The following KCNT2 variants were observed in gnomAD, a reference collection of about 807,000 sequenced individuals.
KCNT2 encodes the protein potassium sodium-activated channel subfamily T member 2.
Under a neutral mutation model 153.8 loss-of-function variants are expected in KCNT2, and 67 were observed. The ratio of observed to expected loss-of-function variants is 0.44; its 90% CI spans 0.36 to 0.53. The LOEUF (loss-of-function observed/expected upper bound fraction) is 0.53. Among genes scored for constraint, KCNT2 ranks in the 20% least tolerant of loss-of-function variants. The pLI is 0.00. For missense variants in KCNT2, 975 were observed against 1,354.8 expected (o/e 0.72, Z 4.40); for synonymous variants, 500 against 458.8 (o/e 1.09, Z -1.15).
intron 8 of KCNT2, among the ~76,000 whole-genome samples, chr1:196,433,059 G>A (rs180773649): frequency 6.6e-6 from 1 of 151,632 alleles, no homozygotes; most frequent in African/African-American, 2.4e-5. Context: ...ATAAAATTGT[G>A]GGTGAGAACC....
intron 1 of KCNT2, among the ~76,000 whole-genome samples, chr1:196,503,885 G>A (rs1309808663): frequency 6.6e-6 from 1 of 152,070 alleles, no homozygotes; most frequent in Non-Finnish European, 1.5e-5. Context: ...TCAGTAATGG[G>A]CACAGCTCAC....
intron 12 of KCNT2, among the ~76,000 whole-genome samples, chr1:196,403,582 T>G (rs1352848862): frequency 6.6e-6 from 1 of 151,538 alleles, no homozygotes; most frequent in Non-Finnish European, 1.5e-5. Context: ...TCAATATTGG[T>G]TCATCAGTTT....
chr1:196,239,864 C>A (rs77068550), intron 26 of KCNT2, among the ~76,000 whole-genome samples: 2 of 151,852 alleles, frequency 1.3e-5, no homozygotes, highest in African/African-American at 4.8e-5. Context: ...GTCCTCTAAT[C>A]CAATAGGACT....
At chr1:196,568,792 T>C (rs1264940647) in intron 1 of KCNT2, among the ~76,000 whole-genome samples, 1 of 147,984 alleles carries the variant, frequency 6.8e-6, no homozygotes, top group Non-Finnish European at 1.5e-5. Flanking sequence ...TTTTTTTTTT[T>C]TCTCTCCAGG....
chr1:196,362,703 G>T (rs7544651), intron 14 of KCNT2, among the ~76,000 whole-genome samples: 44,211 of 151,948 alleles, frequency 0.29, 9,805 homozygotes, highest in African/African-American at 0.63. Flanking sequence ...TTAAAATAAA[G>T]TTTTAATTCC....
intron 14 of KCNT2, among the ~76,000 whole-genome samples, chr1:196,355,463 C>T (rs1462524070): frequency 6.6e-6 from 1 of 151,624 alleles, no homozygotes; most frequent in Non-Finnish European, 1.5e-5. Context: ...TAGGAAAATG[C>T]TAAATAGTTT....
intron 22 of KCNT2, among the ~76,000 whole-genome samples, chr1:196,298,955 T>G (rs1185571013): frequency 1.3e-5 from 2 of 151,828 alleles, no homozygotes; most frequent in Non-Finnish European, 2.9e-5. Context: ...TTATTTTGCT[T>G]CTTACATCAG....
intron 1 of KCNT2, among the ~76,000 whole-genome samples, chr1:196,561,259 G>A (rs1260242417): frequency 4.0e-5 from 6 of 150,690 alleles, no homozygotes. Context: ...AGTTTAAAGA[G>A]AAAAAATGGT....
intron 1 of KCNT2, among the ~76,000 whole-genome samples, chr1:196,564,187 A>G (rs534489492): frequency 6.6e-6 from 1 of 152,010 alleles, no homozygotes; most frequent in Admixed American, 6.6e-5. Context: ...ATACAAAATC[A>G]CATACTAAAA....
At chr1:196,281,314 T>C (rs1300346657) in intron 24 of KCNT2, among the ~76,000 whole-genome samples, 2 of 152,216 alleles carry the variant, frequency 1.3e-5, no homozygotes, top group African/African-American at 2.4e-5. Context: ...TATGACATTA[T>C]ATTAGTTCGT....
chr1:196,324,072 T>G (rs1045267745), intron 19 of KCNT2, among the ~76,000 whole-genome samples: 1 of 151,776 alleles, frequency 6.6e-6, no homozygotes, highest in Non-Finnish European at 1.5e-5. Flanking sequence ...CAAATAAGAA[T>G]ATTCGACAAT....
At chr1:196,362,274 C>T (rs1383197204) in intron 14 of KCNT2, among the ~76,000 whole-genome samples, 1 of 152,118 alleles carries the variant, frequency 6.6e-6, no homozygotes, top group African/African-American at 2.4e-5. Flanking sequence ...GTCTTCCTGT[C>T]ATTACCTCCT....
intron 13 of KCNT2, among the ~76,000 whole-genome samples, chr1:196,386,730 G>A (rs1439914839): frequency 6.6e-6 from 1 of 151,948 alleles, no homozygotes; most frequent in Non-Finnish European, 1.5e-5. Context: ...TTCCTTATTT[G>A]AAGCAGAGTT....
At chr1:196,350,706 A>G (rs770365742) in intron 14 of KCNT2, among the ~76,000 whole-genome samples, 2 of 152,062 alleles carry the variant, frequency 1.3e-5, no homozygotes, top group Non-Finnish European at 2.9e-5. Context: ...TCTTTAGTTT[A>G]ATTAGATCCC....
chr1:196,507,192 A>G (rs1572673911), intron 1 of KCNT2, among the ~76,000 whole-genome samples: 1 of 152,290 alleles, frequency 6.6e-6, no homozygotes, highest in Admixed American at 6.5e-5. Flanking sequence ...AACCATCTCA[A>G]TACAATTTCC....
At chr1:196,311,019 G>A (rs1269433682) in intron 21 of KCNT2, among the ~76,000 whole-genome samples, 1 of 151,764 alleles carries the variant, frequency 6.6e-6, no homozygotes, top group Non-Finnish European at 1.5e-5. Flanking sequence ...GGAATGTGCT[G>A]TACCCATCCT....
intron 19 of KCNT2, among the ~76,000 whole-genome samples, chr1:196,321,642 G>A (rs1663324900): frequency 6.6e-6 from 1 of 151,864 alleles, no homozygotes; most frequent in Admixed American, 6.6e-5. Context: ...ATTCAGCTAT[G>A]TTACAAGGTA....
At chr1:196,304,785 G>T (rs1289320586) in intron 22 of KCNT2, among the ~76,000 whole-genome samples, 1 of 152,066 alleles carries the variant, frequency 6.6e-6, no homozygotes, top group Admixed American at 6.6e-5. Context: ...TTAAATTCCA[G>T]TTCTCAGTAT....
chr1:196,430,754 T>C (rs1162443061), intron 8 of KCNT2, among the ~76,000 whole-genome samples: 1 of 152,042 alleles, frequency 6.6e-6, no homozygotes, highest in Non-Finnish European at 1.5e-5. Flanking sequence ...AGAAATGTGT[T>C]AAAATCACAT....
Sources: allele counts gnomAD v4.1 joint callset (sites outside exome capture counted in the v4.1 genomes callset), GRCh38; gene constraint gnomAD v4.1.1; transcripts MANE v1.5; gene names NCBI Gene and HGNC (gene_info 2026-07-23, HGNC 2026-07-21).